Variants in GREB1 observed in about 807,000 individuals in gnomAD.
GREB1 encodes the protein growth regulating estrogen receptor binding 1.
Under a neutral mutation model 200.7 loss-of-function variants are expected in GREB1, and 106 were observed. The observed-to-expected ratio is 0.53, with a 90% CI of 0.45 to 0.62. GREB1 has a LOEUF of 0.62. Ranked by LOEUF, GREB1 falls within the 20% of genes least tolerant of loss-of-function variation. The pLI is 0.00. For missense variants in GREB1, 2,243 were observed against 2,556.8 expected (o/e 0.88, Z 2.65); for synonymous variants, 1,132 against 1,092.4 (o/e 1.04, Z -0.72).
Position 11,610,929 on chromosome 2 carries a change from G to A in GREB1, c.2908G>A (p.Val970Met), listed in dbSNP as rs367624603. ...AVVAYERLAH[V>M]RARLALEEHF... is the part of the protein sequence containing the mutation. Reference sequence around the variant, plus strand: ...GGTGGCCTATGAGCGGCTGGCCCACGTGCGGGCCCGGCTGGCGCTGGAGGA... The same window carrying A: ...GGTGGCCTATGAGCGGCTGGCCCACATGCGGGCCCGGCTGGCGCTGGAGGA... Residue 970 changes from valine (V) to methionine (M), a missense_variant, in exon 18 of 33, where the codon GTG becomes ATG. By Grantham distance (21) the Val-to-Met change is conservative. Transcript: ENST00000381486. 9.3e-6 allele frequency: 15 copies of A among 1,611,750 alleles called. No individual in the cohort carries two copies. The highest frequency in any genetic ancestry group is 5.0e-5 in the Admixed American group (3 of 59,852).
At chr2:11,486,453 T>C (rs1028470071) in intron 1 of GREB1, among the ~76,000 whole-genome samples, 6 of 152,162 alleles carry the variant, frequency 3.9e-5, no homozygotes, top group African/African-American at 1.4e-4. Context: ...CCCAGCCTAA[T>C]TGTAGTACTT....
In GREB1 at chr2:11,598,724, C is replaced by T; in HGVS notation, c.2197C>T (p.Gln733Ter). 6.2e-7 allele frequency: 1 copy of T among 1,614,174 alleles called. No individual in the cohort carries two copies. The highest frequency in any genetic ancestry group is 1.1e-5 in the South Asian group (1 of 91,076). Residue 733 changes from glutamine (Q) to a stop codon, truncating the protein, a stop_gained, in exon 15 of 33, where the codon CAG becomes TAG. Transcript: ENST00000381486. LOFTEE classifies it high-confidence loss of function. ...LGLKKEHMTK[Q>*]RVEQYVLKLD... ...TCTGAAGAAAGAGCACATGACGAAG[C>T]AGAGGGTGGAACAGTATGTTCTGAA...
intron 21 of GREB1, among the ~76,000 whole-genome samples, chr2:11,617,715 C>T (rs1683546080): frequency 6.6e-6 from 1 of 152,164 alleles, no homozygotes; most frequent in African/African-American, 2.4e-5. Flanking sequence ...TGGCCGCAGG[C>T]TCCTGTTGTT....
rs1291626725 is a variant in GREB1, at chr2:11,566,569, A to G, written c.367A>G (p.Lys123Glu). 1.9e-6 allele frequency: 3 copies of G among 1,613,912 alleles called. No homozygotes were observed. Among genetic ancestry groups the G allele is most frequent in the Non-Finnish European group, 1.7e-6 (2 of 1,179,894 alleles). ...TGCGGGCTTTCTCCTCGTGGGGGTC[A>G]AGTCCCCCAGCCTGCCGGACCATCT... is the stretch of plus-strand genomic sequence containing the variant. The part of the protein sequence containing the change: ...VPAGFLLVGV[K>E]SPSLPDHLLV... The change falls in exon 4 of 33, where the codon AAG becomes GAG. Residue 123 changes from lysine to glutamate, a missense_variant. Transcript: ENST00000381486.
At chr2:11,549,970 G>A (rs1675648194) in intron 1 of GREB1, among the ~76,000 whole-genome samples, 1 of 152,236 alleles carries the variant, frequency 6.6e-6, no homozygotes, top group African/African-American at 2.4e-5. Context: ...TGTAATCCCA[G>A]CACTTTGGGA....
chr2:11,615,035 A>G (rs2148332459), intron 19 of GREB1, 56 bp from the exon 20 acceptor site: 2 of 1,331,070 alleles, frequency 1.5e-6, no homozygotes, highest in East Asian at 2.3e-5. Flanking sequence ...CGCAGTGGGA[A>G]CAGCACTCCA....
chr2:11,599,332 CTT>C (rs796915838), intron 15 of GREB1, among the ~76,000 whole-genome samples: 11 of 135,184 alleles, frequency 8.1e-5, no homozygotes, highest in African/African-American at 1.9e-4. Context: ...GCCTGCCCTT[CTT>C]TTTTTTTTTT....
Position 11,605,144 on chromosome 2 carries a change from C to CTTTTTTTTTTTTTT in GREB1, c.2666+2621_2666+2634dup, listed in dbSNP as rs3035991. On this transcript the variant is annotated intron_variant, in intron 17 of 32. Transcript: ENST00000381486. ...TGGAGCTGGGCACCAGAGCCTGCTT[C>CTTTTTTTTTTTTTT]TTTTTTTTTTTTTTTTTTTTTTTTT... Among the ~76,000 whole-genome samples, 67 of 44,816 alleles carry CTTTTTTTTTTTTTT rather than the reference C, an allele frequency of 1.5e-3. 17 individuals carry two copies. Among genetic ancestry groups the CTTTTTTTTTTTTTT allele is most frequent in the Non-Finnish European group, 2.8e-3 (57 of 20,580 alleles). The allele number at this position is 44,816 out of a possible 152,430, so 29.4% of individuals were successfully genotyped here.
At chr2:11,489,369 G>T (rs764576363) in intron 1 of GREB1, among the ~76,000 whole-genome samples, 10 of 152,226 alleles carry the variant, frequency 6.6e-5, no homozygotes, top group African/African-American at 1.2e-4. Context: ...TGAGGCAGGA[G>T]AATTGCTTAA....
intron 18 of GREB1, 117 bp from the exon 19 acceptor site, chr2:11,612,378 T>G: frequency 7.0e-7 from 1 of 1,431,476 alleles, no homozygotes; most frequent in Non-Finnish European, 9.2e-7. Context: ...TTCCTTTTGG[T>G]CAGAAGATAT....
chr2:11,580,899 T>C lies in GREB1; in HGVS notation c.901+67T>C. 6.3e-7 allele frequency: 1 copy of C among 1,592,686 alleles called. No homozygotes were observed. Among genetic ancestry groups the C allele is most frequent in the South Asian group, 1.1e-5 (1 of 90,136 alleles). ...CTTTGGGCCAAGGCCAGAGGGGGCA[T>C]GGGAGCTGCTGGGCTGGGGCCGCTG... is the stretch of plus-strand genomic sequence containing the variant. On this transcript the variant is annotated intron_variant, in intron 7 of 32. Transcript: ENST00000381486. This position sits in a 1 kb window ranked among gnomAD's most constrained non-coding sequence, Gnocchi z 4.5.
chr2:11,540,626 G>A (rs1418063110), intron 1 of GREB1: 1 of 154,506 alleles, frequency 6.5e-6, no homozygotes, highest in Non-Finnish European at 1.5e-5. Flanking sequence ...GTCTGAGTTG[G>A]AGAGACAAAC....
rs551842328 is a variant in GREB1, at chr2:11,590,895, A to C, written c.1346-1881A>C. Reference sequence around the variant, plus strand: ...CTGATCCCAAGGAGAGGGGCTGATCAACTGTGCCAGTGTGGCCGGGAGTTG... The same window carrying C: ...CTGATCCCAAGGAGAGGGGCTGATCCACTGTGCCAGTGTGGCCGGGAGTTG... On this transcript the variant is annotated intron_variant, in intron 10 of 32. Coordinates refer to ENST00000381486, the MANE Select transcript of GREB1 (RefSeq NM_014668.4). 1.2e-4 allele frequency among the ~76,000 whole-genome samples: 18 copies of C among 152,340 alleles called. 2 individuals are homozygous for C. The South Asian group carries it at 3.5e-3, about 30-fold the overall frequency.
intron 19 of GREB1, among the ~76,000 whole-genome samples, chr2:11,613,778 T>TAGACTTTTCATATG (rs1393218908): frequency 2.0e-5 from 3 of 152,224 alleles, no homozygotes; most frequent in Non-Finnish European, 4.4e-5. Context: ...GGCATCATGA[T>TAGACTTTTCATATG]AGACTTTTCA....
intron 1 of GREB1, among the ~76,000 whole-genome samples, chr2:11,527,556 G>A (rs992226045): frequency 3.3e-5 from 5 of 152,222 alleles, no homozygotes; most frequent in African/African-American, 9.6e-5. Flanking sequence ...AGTGGGACCT[G>A]GGCATCTGGT....
rs779469255 is a variant in GREB1 at position 11,632,105 on chromosome 2, C to G, written c.4808C>G (p.Ala1603Gly). Residue 1603 changes from alanine to glycine, a missense_variant, in exon 27 of 33, where the codon GCT becomes GGT. Coordinates refer to ENST00000381486, the MANE Select transcript of GREB1 (RefSeq NM_014668.4). ...MLVLPSIFNS[A>G]GVGAAHFLIK... is the part of the protein sequence containing the mutation. ...GTGCTCCCCAGTATCTTCAACAGTG[C>G]TGGAGTTGGTGAGTGTCCTTTAACA... 1.9e-6 allele frequency: 3 copies of G among 1,611,698 alleles called. No individual in the cohort carries two copies. Among genetic ancestry groups the G allele is most frequent in the Non-Finnish European group, 2.5e-6 (3 of 1,177,802 alleles).
chr2:11,637,609 T>C, intron 30 of GREB1, 107 bp from the exon 31 acceptor site: 1 of 841,224 alleles, frequency 1.2e-6, no homozygotes, highest in East Asian at 2.5e-5. Flanking sequence ...TTCATTCCCC[T>C]GAGTGACACA....
intron 1 of GREB1, among the ~76,000 whole-genome samples, chr2:11,543,037 TCTA>T (rs1451819776): frequency 6.6e-6 from 1 of 152,176 alleles, no homozygotes; most frequent in Non-Finnish European, 1.5e-5. Flanking sequence ...CTTTTCCTCG[TCTA>T]CTGTCTCTTT....
At chr2:11,551,796 C>A (rs187455851) in intron 1 of GREB1, among the ~76,000 whole-genome samples, 5 of 152,136 alleles carry the variant, frequency 3.3e-5, no homozygotes, top group Non-Finnish European at 5.9e-5. Context: ...CAGGACGAGC[C>A]GTGGCCAAAA....
Sources: gnomAD v4.1 joint callset for allele counts (sites outside exome capture counted in the v4.1 genomes callset) on GRCh38, gnomAD v4.1.1 for gene constraint, Gnocchi (gnomAD v3.1) non-coding constraint, MANE v1.5 for transcripts, NCBI Gene and HGNC (gene_info 2026-07-23, HGNC 2026-07-21) for gene names.